IFT140: variants seen among roughly 807,000 people sequenced by gnomAD.
IFT140 encodes intraflagellar transport 140, also known as intraflagellar transport protein 140 homolog.
IFT140 carries 133 observed loss-of-function variants against 164.6 expected under a neutral mutation model. That is an observed-to-expected ratio of 0.81 (90% CI 0.70 to 0.93). The LOEUF is 0.93. Ranked by LOEUF, IFT140 falls within the 40% of genes least tolerant of loss-of-function variation. IFT140 has a pLI of 0.00. For missense variants in IFT140, 2,045 were observed against 1,972.3 expected (o/e 1.04, Z -0.70); for synonymous variants, 860 against 817.3 (o/e 1.05, Z -0.89).
intron 14 of IFT140, among the ~76,000 whole-genome samples, chr16:1,569,045 C>T (rs1353126900): frequency 6.8e-6 from 1 of 147,374 alleles, no homozygotes; most frequent in East Asian, 2.0e-4. Flanking sequence ...CGCCCTGTTG[C>T]CCAGGCTGGA....
intron 19 of IFT140, chr16:1,557,511 T>C (rs2033165023): frequency 6.1e-6 from 1 of 164,742 alleles, no homozygotes; most frequent in Admixed American, 6.1e-5. Flanking sequence ...AAAGAATTTC[T>C]AGATTCTCTC....
At chr16:1,571,975 C>T (rs528209990) in intron 13 of IFT140, among the ~76,000 whole-genome samples, 1 of 152,150 alleles carries the variant, frequency 6.6e-6, no homozygotes, top group African/African-American at 2.4e-5. Context: ...ATGTGAAAGC[C>T]GCAGGAATAC....
In IFT140 at chr16:1,589,799, T is replaced by C. The variant is rs1413450172; in HGVS notation, c.635-19A>G. 1.2e-6 allele frequency: 2 copies of C among 1,603,136 alleles called. No individual in the cohort carries two copies. The highest frequency in any genetic ancestry group is 1.7e-6 in the Non-Finnish European group (2 of 1,171,276). On this transcript the variant is annotated intron_variant, in intron 6 of 30. Transcript: ENST00000426508. The stretch of plus-strand genomic sequence containing the variant: ...ACTGTCCCTGGGGACAAACGTGGGG[T>C]CACTACATGAGGAGGCCCTGGTTTA...
intron 11 of IFT140, 104 bp downstream of exon 11, chr16:1,584,113 A>T (rs2034732555): frequency 1.2e-6 from 1 of 835,800 alleles, no homozygotes; most frequent in African/African-American, 1.7e-5. Flanking sequence ...GATGGAACTG[A>T]GAGTGGCCTA....
intron 15 of IFT140, among the ~76,000 whole-genome samples, chr16:1,567,236 C>T (rs2033768792): frequency 1.3e-5 from 2 of 152,328 alleles, no homozygotes; most frequent in South Asian, 4.1e-4. Flanking sequence ...CCCACCGACC[C>T]TTTGATTCAT....
At chr16:1,592,715 A>G in intron 4 of IFT140, 127 bp from the exon 5 acceptor site, 3 of 1,422,684 alleles carry the variant, frequency 2.1e-6, no homozygotes, top group Non-Finnish European at 2.8e-6. Context: ...GTGGAGGGAC[A>G]GGTGTCCCGG....
intron 15 of IFT140, among the ~76,000 whole-genome samples, chr16:1,567,351 C>G (rs1020113626): frequency 3.3e-5 from 5 of 152,234 alleles, no homozygotes; most frequent in Non-Finnish European, 7.3e-5. Flanking sequence ...CCCTTCACCA[C>G]GAGTGCAGAC....
At position 1,586,246 on chromosome 16, in the gene IFT140, G is replaced by A. The variant is rs1166261279; in HGVS notation, c.1039C>T (p.Arg347Ter). ...GLLAAGTDRG[R>*]VAMWRKVPDF... Reference sequence around the variant, plus strand: ...GGTACTTTCCTCCACATGGCTACTCGCCCTCTGTCGGTACCAGCGGCCAGA... The same window carrying A: ...GGTACTTTCCTCCACATGGCTACTCACCCTCTGTCGGTACCAGCGGCCAGA... Residue 347 changes from arginine to a stop codon, truncating the protein, a stop_gained, in exon 10 of 31, where the codon CGA becomes TGA. Transcript: ENST00000426508. LOFTEE classifies it high-confidence loss of function. The A allele has an allele frequency of 4.3e-6, 7 of 1,613,616 alleles. No homozygotes were observed. In the South Asian group the frequency reaches 4.4e-5, roughly 10 times the overall value.
In IFT140 at chr16:1,533,455, T is replaced by A. The variant is rs2030723080; in HGVS notation, c.2400-6659A>T. On this transcript the variant is annotated intron_variant, in intron 19 of 30. Transcript: ENST00000426508. The surrounding 1 kb of genome is among the most constrained non-coding windows in gnomAD (Gnocchi z 4.7). ...TAAAAGCAACAGGCGAGACGAGGGA[T>A]CTGTCCCGCACCCGGCATCCCTGGC... 1 of 152,218 alleles carries A rather than the reference T, an allele frequency of 6.6e-6. No homozygotes were observed. The highest frequency in any genetic ancestry group is 1.5e-5 in the Non-Finnish European group (1 of 68,164). The allele number at this position is 152,218 out of a possible 1,614,324, so 9.4% of individuals were successfully genotyped here. A position where few individuals can be genotyped will look rare whatever the true frequency, so the allele number is the denominator to read the frequency against.
At chr16:1,542,655 A>G (rs2031761507) in intron 19 of IFT140, among the ~76,000 whole-genome samples, 2 of 152,244 alleles carry the variant, frequency 1.3e-5, no homozygotes, top group Non-Finnish European at 2.9e-5. Context: ...GAGTGAGAAC[A>G]CGCTAGCACG....
intron 19 of IFT140, chr16:1,555,628 T>A (rs2033028669): frequency 6.6e-6 from 1 of 152,468 alleles, no homozygotes; most frequent in South Asian, 2.1e-4. Flanking sequence ...AAACATTTGA[T>A]CCACTTTTTT....
intron 19 of IFT140, chr16:1,534,489 G>A: frequency 2.5e-6 from 4 of 1,610,148 alleles, no homozygotes; most frequent in African/African-American, 1.3e-5. Flanking sequence ...GGACGCACAT[G>A]ACTGTGAGGC....
At chr16:1,591,568 C>G (rs562616680) in intron 6 of IFT140, among the ~76,000 whole-genome samples, 52 of 152,344 alleles carry the variant, frequency 3.4e-4, no homozygotes, top group Admixed American at 9.8e-4. Flanking sequence ...ACCCACACAC[C>G]TGGGCTAGTG....
In IFT140 at chr16:1,518,706, G is replaced by A. The variant is rs144644174; in HGVS notation, c.4041-349C>T. 5.5e-4 allele frequency among the ~76,000 whole-genome samples: 83 copies of A among 151,822 alleles called. No individual in the cohort carries two copies. In the East Asian group the frequency reaches 0.014, roughly 25 times the overall value. The stretch of plus-strand genomic sequence containing the variant: ...ATGTGGACAGGGTACACGGAGAGGC[G>A]CACGGCACCCCTTGCCCAAGGCCGC... On this transcript the variant is annotated intron_variant, in intron 29 of 30. Transcript: ENST00000426508.
chr16:1,591,330 C>A (rs1275032190), intron 6 of IFT140, among the ~76,000 whole-genome samples: 2 of 152,226 alleles, frequency 1.3e-5, no homozygotes, highest in African/African-American at 2.4e-5. Flanking sequence ...GATGTCCCCA[C>A]TGGGATCTTC....
At chr16:1,594,200 G>A (rs2035335260) in intron 4 of IFT140, among the ~76,000 whole-genome samples, 1 of 151,776 alleles carries the variant, frequency 6.6e-6, no homozygotes, top group South Asian at 2.1e-4. Flanking sequence ...AGATTACCTA[G>A]GTTCATTTTA....
chr16:1,514,314 G>A (rs1283516572), intron 30 of IFT140: 1 of 152,048 alleles, frequency 6.6e-6, no homozygotes, highest in Non-Finnish European at 1.5e-5. Context: ...AGCTTGCAGT[G>A]AGCCGAGATC....
At chr16:1,555,147 G>A in intron 19 of IFT140, 3 of 1,309,286 alleles carry the variant, frequency 2.3e-6, no homozygotes, top group Non-Finnish European at 2.1e-6. Context: ...GAGTCTGGGT[G>A]ACCTCTGCGC....
At position 1,531,257 on chromosome 16, in the gene IFT140, T is replaced by TC. The variant is rs1422988490; in HGVS notation, c.2400-4462dup. On this transcript the variant is annotated intron_variant, in intron 19 of 30. Coordinates refer to ENST00000426508, the MANE Select transcript of IFT140 (RefSeq NM_014714.4). This position sits in a 1 kb window ranked among gnomAD's most constrained non-coding sequence, Gnocchi z 4.7. ...CTGTGGAGTCACCCACATCTGCACT[T>TC]CATCAGCCCCGAGGCACTGGAACAA... is the stretch of plus-strand genomic sequence containing the variant. 1 of 152,152 alleles carries TC rather than the reference T, an allele frequency of 6.6e-6. No homozygotes were observed. The highest frequency in any genetic ancestry group is 1.5e-5 in the Non-Finnish European group (1 of 68,044). 9.4% of individuals were successfully genotyped at this position (152,152 alleles called of 1,614,324 possible). A position where few individuals can be genotyped will look rare whatever the true frequency, so the allele number is the denominator to read the frequency against.
Sources: allele counts gnomAD v4.1 joint callset (sites outside exome capture counted in the v4.1 genomes callset), GRCh38; gene constraint gnomAD v4.1.1; non-coding constraint Gnocchi (gnomAD v3.1); transcripts MANE v1.5; gene names NCBI Gene and HGNC (gene_info 2026-07-23, HGNC 2026-07-21).